NPAS3: variants seen among roughly 807,000 people sequenced by gnomAD.
NPAS3 encodes the protein neuronal PAS domain protein 3, also known as neuronal PAS domain-containing protein 3.
In NPAS3, 14 loss-of-function variants were observed where a neutral mutation model predicts 73.1. That is an observed-to-expected ratio of 0.19 (90% confidence interval 0.13 to 0.30). NPAS3 has a LOEUF of 0.30. Ranked by LOEUF, NPAS3 falls within the 10% of genes least tolerant of loss-of-function variation. The pLI, the probability that NPAS3 is intolerant of heterozygous loss-of-function variation, is 1.00. For missense variants in NPAS3, 1,096 were observed against 1,250.0 expected, an observed-to-expected ratio of 0.88 and a Z score of 1.86; for synonymous variants, 620 against 541.5, an observed-to-expected ratio of 1.14 and a Z score of -2.01.
intron 2 of NPAS3, among the ~76,000 whole-genome samples, chr14:33,126,903 C>T (rs1020395574): frequency 6.6e-6 from 1 of 152,030 alleles, no homozygotes; most frequent in South Asian, 2.1e-4. Flanking sequence ...TTGTTGATTA[C>T]AAAAATACAT....
intron 3 of NPAS3, among the ~76,000 whole-genome samples, chr14:33,321,353 G>T (rs1391341478): frequency 6.6e-6 from 1 of 152,092 alleles, no homozygotes; most frequent in Non-Finnish European, 1.5e-5. Flanking sequence ...GGAAACAATG[G>T]GAAGTAGGGT....
chr14:33,720,359 G>C (rs17488545), intron 6 of NPAS3, among the ~76,000 whole-genome samples: 48,038 of 151,996 alleles, frequency 0.32, 9,688 homozygotes, highest in Non-Finnish European at 0.46. Flanking sequence ...GAGAAAAGTT[G>C]CTCATTAAGG....
At chr14:33,267,765 G>A (rs1566740831) in intron 3 of NPAS3, among the ~76,000 whole-genome samples, 3 of 152,276 alleles carry the variant, frequency 2.0e-5, no homozygotes, top group East Asian at 1.9e-4. Flanking sequence ...TTCCTGAGGT[G>A]GGGATCTGCA....
At chr14:33,077,965 C>T (rs2041725284) in intron 2 of NPAS3, among the ~76,000 whole-genome samples, 2 of 151,536 alleles carry the variant, frequency 1.3e-5, no homozygotes, top group African/African-American at 2.4e-5. Flanking sequence ...TGGTGAAACC[C>T]CGTCTCTACT....
At chr14:33,009,298 C>T (rs1031435994) in intron 1 of NPAS3, among the ~76,000 whole-genome samples, 3 of 151,972 alleles carry the variant, frequency 2.0e-5, no homozygotes, top group Admixed American at 2.0e-4. Flanking sequence ...TGCAAGCATC[C>T]AGTAGTATGG....
chr14:33,210,116 C>T (rs1163150486), intron 2 of NPAS3, among the ~76,000 whole-genome samples: 1 of 152,090 alleles, frequency 6.6e-6, no homozygotes, highest in Non-Finnish European at 1.5e-5. Context: ...TCATTATAAC[C>T]TTCTCTGTGA....
At chr14:33,342,599 T>C (rs1341408164) in intron 3 of NPAS3, among the ~76,000 whole-genome samples, 1 of 152,258 alleles carries the variant, frequency 6.6e-6, no homozygotes, top group African/African-American at 2.4e-5. Flanking sequence ...TTTAACTTGA[T>C]AAGCCTGTGT....
At chr14:33,052,431 C>G (rs1366510162) in intron 1 of NPAS3, among the ~76,000 whole-genome samples, 4 of 152,010 alleles carry the variant, frequency 2.6e-5, no homozygotes, top group Non-Finnish European at 4.4e-5. Flanking sequence ...GAGAAACTGC[C>G]CAAGTCCAAA....
Position 33,143,546 on chromosome 14 carries a change from A to G in NPAS3, c.141-71636A>G, listed in dbSNP as rs767388197. Among the ~76,000 whole-genome samples the G allele has an allele frequency of 8.1e-4, 124 of 152,150 alleles. 1 individual carries two copies. Among genetic ancestry groups the G allele is most frequent in the Non-Finnish European group, 2.5e-4 (17 of 68,024 alleles). On this transcript the variant is annotated intron_variant, in intron 2 of 11. Coordinates refer to ENST00000356141, the Ensembl canonical transcript of NPAS3. ...CTTTTCAATCCTTTTCATAAAACCTATTATTGTTTGCAATTGAAGTGAACT... is the reference window on the plus strand; with the variant it reads ...CTTTTCAATCCTTTTCATAAAACCTGTTATTGTTTGCAATTGAAGTGAACT...
chr14:33,155,631 A>G (rs2044619090), intron 2 of NPAS3, among the ~76,000 whole-genome samples: 1 of 152,184 alleles, frequency 6.6e-6, no homozygotes, highest in Admixed American at 6.5e-5. Context: ...AACCAGAGCC[A>G]AGTTTCCTTA....
At chr14:33,306,880 C>A (rs1230186560) in intron 3 of NPAS3, among the ~76,000 whole-genome samples, 1 of 152,146 alleles carries the variant, frequency 6.6e-6, no homozygotes, top group East Asian at 1.9e-4. Context: ...GGAAGGGGAG[C>A]AGAGTCTTTG....
chr14:33,748,235 G>A (rs1466227242), intron 7 of NPAS3, among the ~76,000 whole-genome samples: 1 of 152,172 alleles, frequency 6.6e-6, no homozygotes, highest in East Asian at 1.9e-4. Context: ...GTTTAGAGAT[G>A]AGAATATGTA....
intron 3 of NPAS3, among the ~76,000 whole-genome samples, chr14:33,228,991 T>C (rs1483060536): frequency 6.6e-6 from 1 of 152,172 alleles, no homozygotes; most frequent in Admixed American, 6.5e-5. Flanking sequence ...TATCCGTTGG[T>C]GTTGGGGAAT....
At chr14:33,402,256 A>G (rs2047478459) in intron 4 of NPAS3, among the ~76,000 whole-genome samples, 1 of 152,088 alleles carries the variant, frequency 6.6e-6, no homozygotes, top group Non-Finnish European at 1.5e-5. Context: ...CTTCAGAGGC[A>G]TTTTTCAATT....
At chr14:33,409,929 T>C (rs1046277536) in intron 4 of NPAS3, among the ~76,000 whole-genome samples, 1 of 152,126 alleles carries the variant, frequency 6.6e-6, no homozygotes, top group South Asian at 2.1e-4. Context: ...TATTAAGTAT[T>C]TTGTAAGGAG....
intron 7 of NPAS3, among the ~76,000 whole-genome samples, chr14:33,766,418 G>A (rs1172421980): frequency 2.0e-5 from 3 of 152,118 alleles, no homozygotes; most frequent in Non-Finnish European, 4.4e-5. Context: ...AAAGATCATG[G>A]AGTCCCTGAT....
chr14:33,094,970 C>G (rs545862826), intron 2 of NPAS3, among the ~76,000 whole-genome samples: 1 of 152,244 alleles, frequency 6.6e-6, no homozygotes, highest in South Asian at 2.1e-4. Context: ...GTTCTGCAAA[C>G]TTAGAATTAT....
At chr14:33,180,005 A>AG (rs1373620152) in intron 2 of NPAS3, among the ~76,000 whole-genome samples, 1 of 152,216 alleles carries the variant, frequency 6.6e-6, no homozygotes, top group Non-Finnish European at 1.5e-5. Flanking sequence ...CATGAATCCC[A>AG]GGAAGATGTT....
intron 5 of NPAS3, among the ~76,000 whole-genome samples, chr14:33,599,062 A>G (rs1390398468): frequency 6.6e-6 from 1 of 152,186 alleles, no homozygotes; most frequent in African/African-American, 2.4e-5. Flanking sequence ...CTTATTAGGC[A>G]CATGTTTTTT....
Sources: allele counts gnomAD v4.1 joint callset (sites outside exome capture counted in the v4.1 genomes callset), GRCh38; gene constraint gnomAD v4.1.1; transcripts MANE v1.5; gene names NCBI Gene and HGNC (gene_info 2026-07-23, HGNC 2026-07-21).